Variants in ROBO2 observed in about 807,000 individuals in gnomAD.
The protein encoded by ROBO2 is roundabout guidance receptor 2.
In ROBO2, 53 loss-of-function variants were observed where a neutral mutation model predicts 160.8. That is an observed-to-expected ratio of 0.33 (90% CI 0.26 to 0.41). ROBO2 has a LOEUF of 0.41. ROBO2 is among the 10% of genes least tolerant of loss of function. ROBO2 has a pLI of 1.00. For missense variants in ROBO2, 1,577 were observed against 1,722.4 expected (o/e 0.92, Z 1.49); for synonymous variants, 664 against 611.7 (o/e 1.09, Z -1.26).
At chr3:76,409,114 C>T (rs908083495) in intron 2 of ROBO2, among the ~76,000 whole-genome samples, 11 of 151,882 alleles carry the variant, frequency 7.2e-5, no homozygotes, top group South Asian at 2.1e-4. Flanking sequence ...TATGGTAGAA[C>T]GTTCAGAACT....
At chr3:77,614,677 G>A (rs1445621772) in intron 21 of ROBO2, among the ~76,000 whole-genome samples, 2 of 151,848 alleles carry the variant, frequency 1.3e-5, no homozygotes, top group African/African-American at 4.8e-5. Context: ...AGCATTTAGG[G>A]GTCTAAGGAA....
At chr3:77,493,744 C>T (rs1448348654) in intron 5 of ROBO2, among the ~76,000 whole-genome samples, 3 of 152,146 alleles carry the variant, frequency 2.0e-5, no homozygotes, top group Non-Finnish European at 4.4e-5. Context: ...TGCTTCATCC[C>T]CTCTGGATAC....
chr3:76,941,712 T>C (rs2078200233), intron 2 of ROBO2, among the ~76,000 whole-genome samples: 2 of 152,172 alleles, frequency 1.3e-5, no homozygotes, highest in Admixed American at 6.6e-5. Flanking sequence ...CTTATCTCTT[T>C]GGGATGATTG....
intron 2 of ROBO2, among the ~76,000 whole-genome samples, chr3:76,808,264 T>C (rs1208266972): frequency 2.0e-5 from 3 of 152,256 alleles, no homozygotes; most frequent in South Asian, 4.1e-4. Flanking sequence ...CTTAACCCAA[T>C]TGAAGATATG....
At chr3:76,467,578 A>G (rs996362797) in intron 2 of ROBO2, among the ~76,000 whole-genome samples, 3 of 152,102 alleles carry the variant, frequency 2.0e-5, no homozygotes, top group Non-Finnish European at 2.9e-5. Context: ...GAGCCAGACA[A>G]TTTAACAGCC....
At chr3:77,083,211 C>T (rs932919719) in intron 1 of ROBO2, among the ~76,000 whole-genome samples, 1 of 152,172 alleles carries the variant, frequency 6.6e-6, no homozygotes, top group Non-Finnish European at 1.5e-5. Context: ...ACAAAGACCT[C>T]ATGGCAGCCT....
intron 2 of ROBO2, among the ~76,000 whole-genome samples, chr3:76,616,607 G>A (rs755928227): frequency 6.6e-6 from 1 of 152,306 alleles, no homozygotes; most frequent in Middle Eastern, 3.4e-3. Context: ...ACTAATTAGA[G>A]TGGAGTTCTG....
At chr3:76,397,045 G>A (rs1198165831) in intron 2 of ROBO2, among the ~76,000 whole-genome samples, 2 of 152,228 alleles carry the variant, frequency 1.3e-5, no homozygotes, top group East Asian at 1.9e-4. Flanking sequence ...AACAAAGCTG[G>A]AGGCATCACG....
chr3:76,340,890 A>G (rs1449774087), intron 2 of ROBO2, among the ~76,000 whole-genome samples: 1 of 152,146 alleles, frequency 6.6e-6, no homozygotes, highest in Non-Finnish European at 1.5e-5. Flanking sequence ...ATGCGGAAAT[A>G]TCTTAATAAA....
At chr3:76,791,325 G>T (rs1576636993) in intron 2 of ROBO2, among the ~76,000 whole-genome samples, 1 of 151,752 alleles carries the variant, frequency 6.6e-6, no homozygotes, top group Non-Finnish European at 1.5e-5. Context: ...GCCTCTTGCT[G>T]TCCCCAGCCC....
intron 2 of ROBO2, among the ~76,000 whole-genome samples, chr3:76,086,868 A>T (rs573535360): frequency 6.6e-6 from 1 of 152,302 alleles, no homozygotes; most frequent in South Asian, 2.1e-4. Context: ...AAAAAGAAGT[A>T]TTAGAGTTTA....
rs375779981 is a variant in ROBO2, at chr3:77,402,042, A to G, written c.389-75372A>G. Among the ~76,000 whole-genome samples, 16 of 152,312 alleles carry G rather than the reference A, an allele frequency of 1.1e-4. No homozygotes were observed. In the East Asian group the frequency reaches 2.3e-3, roughly 22 times the overall value. ...TTGCAACCAACCCAAATGCCCATCA[A>G]TGATAGACTGGATAAAGAAAATGTT... is the stretch of plus-strand genomic sequence containing the variant. On this transcript the variant is annotated intron_variant, in intron 2 of 25. Transcript: ENST00000461745.
intron 2 of ROBO2, among the ~76,000 whole-genome samples, chr3:76,059,830 G>A (rs2068005492): frequency 6.6e-6 from 1 of 152,248 alleles, no homozygotes; most frequent in African/African-American, 2.4e-5. Context: ...TTTTGTATAA[G>A]GTGTGAGGAA....
intron 2 of ROBO2, among the ~76,000 whole-genome samples, chr3:76,376,116 A>G (rs1054361049): frequency 6.6e-6 from 1 of 152,202 alleles, no homozygotes; most frequent in African/African-American, 2.4e-5. Flanking sequence ...ATGCTTTTCT[A>G]TCTTCCTAAA....
chr3:76,722,190 G>C (rs530865028), intron 2 of ROBO2, among the ~76,000 whole-genome samples: 2 of 152,128 alleles, frequency 1.3e-5, no homozygotes, highest in South Asian at 4.1e-4. Flanking sequence ...TATCCTGGAG[G>C]GAGATCTTAG....
chr3:76,542,438 G>A (rs1281197266), intron 2 of ROBO2, among the ~76,000 whole-genome samples: 1 of 152,168 alleles, frequency 6.6e-6, no homozygotes, highest in Non-Finnish European at 1.5e-5. Context: ...TTGCCTGGCA[G>A]ATTGGTCACT....
chr3:76,943,165 G>T (rs953920443), intron 2 of ROBO2, among the ~76,000 whole-genome samples: 2 of 152,116 alleles, frequency 1.3e-5, no homozygotes, highest in Non-Finnish European at 2.9e-5. Context: ...TCTTCAGTGG[G>T]TTGACTTTGA....
At chr3:76,113,073 T>C (rs2070310893) in intron 2 of ROBO2, among the ~76,000 whole-genome samples, 1 of 152,094 alleles carries the variant, frequency 6.6e-6, no homozygotes, top group African/African-American at 2.4e-5. Flanking sequence ...CAGTGACATA[T>C]GTCTTCCAGG....
intron 2 of ROBO2, among the ~76,000 whole-genome samples, chr3:76,395,047 C>T (rs1397149036): frequency 6.6e-6 from 1 of 152,146 alleles, no homozygotes; most frequent in Non-Finnish European, 1.5e-5. Context: ...CGCACCACAC[C>T]TATTCCAACA....
Sources: gnomAD v4.1 joint callset for allele counts (sites outside exome capture counted in the v4.1 genomes callset) on GRCh38, gnomAD v4.1.1 for gene constraint, MANE v1.5 for transcripts, NCBI Gene and HGNC (gene_info 2026-07-23, HGNC 2026-07-21) for gene names.